PDZRN3: variants seen among roughly 807,000 people sequenced by gnomAD.
PDZRN3 encodes E3 ubiquitin-protein ligase PDZRN3.
A neutral mutation model predicts 85.7 loss-of-function variants in PDZRN3; 38 were observed. That is an observed-to-expected ratio of 0.44 (90% CI 0.34 to 0.58). The LOEUF (loss-of-function observed/expected upper bound fraction) is 0.58. Among genes scored for constraint, PDZRN3 ranks in the 20% least tolerant of loss-of-function variants. PDZRN3 has a pLI of 0.01. For missense variants in PDZRN3, 1,629 were observed against 1,506.4 expected (o/e 1.08, Z -1.35); for synonymous variants, 759 against 638.0 (o/e 1.19, Z -2.86).
chr3:73,617,982 A>G (rs987771759), intron 1 of PDZRN3, among the ~76,000 whole-genome samples: 5 of 152,246 alleles, frequency 3.3e-5, no homozygotes, highest in Admixed American at 6.5e-5. Flanking sequence ...CTGAGATTAC[A>G]GGCGTGAGCC....
intron 3 of PDZRN3, among the ~76,000 whole-genome samples, chr3:73,458,355 A>G (rs1252297593): frequency 2.0e-5 from 3 of 151,768 alleles, no homozygotes; most frequent in African/African-American, 7.3e-5. Context: ...GCCACCTCTA[A>G]GTACTGGTTT....
chr3:73,406,731 A>G (rs937381493), intron 3 of PDZRN3, among the ~76,000 whole-genome samples: 1 of 152,228 alleles, frequency 6.6e-6, no homozygotes, highest in Admixed American at 6.5e-5. Flanking sequence ...TTTGCCAAAA[A>G]GGAATAAGAA....
intron 3 of PDZRN3, among the ~76,000 whole-genome samples, chr3:73,578,870 C>A (rs962907074): frequency 2.0e-5 from 3 of 152,098 alleles, no homozygotes; most frequent in African/African-American, 7.2e-5. Flanking sequence ...TGAAAAATTA[C>A]GCAGGCACTT....
At chr3:73,472,353 C>G (rs1191492688) in intron 3 of PDZRN3, among the ~76,000 whole-genome samples, 1 of 152,208 alleles carries the variant, frequency 6.6e-6, no homozygotes, top group Non-Finnish European at 1.5e-5. Flanking sequence ...CCTTTGGGAT[C>G]TCACCACTGA....
intron 3 of PDZRN3, among the ~76,000 whole-genome samples, chr3:73,505,448 C>A (rs967400504): frequency 2.6e-5 from 4 of 151,864 alleles, no homozygotes; most frequent in Non-Finnish European, 5.9e-5. Flanking sequence ...GCAAAAATAC[C>A]TCTCCCAAAC....
chr3:73,496,569 C>T (rs1703870602), intron 3 of PDZRN3, among the ~76,000 whole-genome samples: 1 of 10,422 alleles, frequency 9.6e-5, no homozygotes, highest in African/African-American at 1.3e-4. Context: ...GTAAAGAGGA[C>T]TTAAAAAAAA....
intron 3 of PDZRN3, among the ~76,000 whole-genome samples, chr3:73,512,437 A>T (rs1312155708): frequency 1.3e-5 from 2 of 152,238 alleles, no homozygotes; most frequent in East Asian, 3.8e-4. Context: ...ACATTCTTTT[A>T]ACATTGCATA....
At position 73,624,855 on chromosome 3, in the gene PDZRN3, G is replaced by C; in HGVS notation, c.-30C>G. ...GCGGCCAGGCCCCGGGGTCGCCGCC[G>C]GGCGGCCGGGCGCCCCCTCCCTCCC... On this transcript the variant is annotated 5_prime_UTR_variant, in exon 1 of 10. Coordinates refer to ENST00000263666, the MANE Select transcript of PDZRN3 (RefSeq NM_015009.3). The C allele has an allele frequency of 7.9e-7, 1 of 1,267,416 alleles. No homozygotes were observed. The highest frequency in any genetic ancestry group is 9.9e-7 in the Non-Finnish European group (1 of 1,009,018). The allele number at this position is 1,267,416 out of a possible 1,614,324, so 78.5% of individuals were successfully genotyped here.
chr3:73,497,232 A>G (rs1703883755), intron 3 of PDZRN3, among the ~76,000 whole-genome samples: 1 of 152,166 alleles, frequency 6.6e-6, no homozygotes, highest in Admixed American at 6.5e-5. Context: ...AAAAAAATGT[A>G]CATTTGGAGA....
chr3:73,537,838 C>A (rs1704825915), intron 3 of PDZRN3, among the ~76,000 whole-genome samples: 1 of 150,170 alleles, frequency 6.7e-6, no homozygotes, highest in African/African-American at 2.5e-5. Context: ...GTCGGCCAGG[C>A]TGGTCTCGAC....
At chr3:73,475,700 G>C (rs371648089) in intron 3 of PDZRN3, among the ~76,000 whole-genome samples, 2 of 152,184 alleles carry the variant, frequency 1.3e-5, no homozygotes, top group South Asian at 4.1e-4. Context: ...GTAATGAAAT[G>C]AACTTTTACC....
chr3:73,574,464 G>GT lies in PDZRN3; in HGVS notation c.918+27889_918+27890insA, dbSNP rs1041513446. ...ACTTTTTTTTGGCTGGGGTGGGGGGGGTGGGGAGGGCGGAAATGGAGTCTC... is the reference window on the plus strand; with the variant it reads ...ACTTTTTTTTGGCTGGGGTGGGGGGGTGTGGGGAGGGCGGAAATGGAGTCTC... On this transcript the variant is annotated intron_variant, in intron 3 of 9. Coordinates refer to ENST00000263666, the MANE Select transcript of PDZRN3 (RefSeq NM_015009.3). 2.5e-4 allele frequency among the ~76,000 whole-genome samples: 23 copies of GT among 93,718 alleles called. 1 individual carries two copies. Among genetic ancestry groups the GT allele is most frequent in the Admixed American group, 7.5e-4 (7 of 9,336 alleles). The allele number at this position is 93,718 out of a possible 152,430, so 61.5% of individuals were successfully genotyped here.
At chr3:73,503,624 C>T (rs996695714) in intron 3 of PDZRN3, among the ~76,000 whole-genome samples, 5 of 152,210 alleles carry the variant, frequency 3.3e-5, no homozygotes, top group Non-Finnish European at 7.3e-5. Context: ...TCATCTAATG[C>T]TTTTCCCTAT....
At chr3:73,615,165 T>G (rs1232910516) in intron 1 of PDZRN3, among the ~76,000 whole-genome samples, 1 of 152,162 alleles carries the variant, frequency 6.6e-6, no homozygotes, top group Non-Finnish European at 1.5e-5. Context: ...AAACGAGATA[T>G]TTTTGAAAAC....
intron 3 of PDZRN3, among the ~76,000 whole-genome samples, chr3:73,585,659 G>C (rs1189387640): frequency 6.6e-6 from 1 of 152,128 alleles, no homozygotes; most frequent in Non-Finnish European, 1.5e-5. Flanking sequence ...TTATTTCCTG[G>C]AAGATGGATG....
chr3:73,622,493 G>A (rs1417324596), intron 1 of PDZRN3, among the ~76,000 whole-genome samples: 1 of 152,236 alleles, frequency 6.6e-6, no homozygotes, highest in African/African-American at 2.4e-5. Context: ...CCCAGCTGTT[G>A]AAAATGTGGC....
chr3:73,417,455 A>G (rs1366928558), intron 3 of PDZRN3, among the ~76,000 whole-genome samples: 1 of 152,182 alleles, frequency 6.6e-6, no homozygotes, highest in Non-Finnish European at 1.5e-5. Flanking sequence ...CGTGCGGGGA[A>G]ATACCATTTC....
intron 3 of PDZRN3, among the ~76,000 whole-genome samples, chr3:73,488,607 C>T (rs984558185): frequency 9.9e-5 from 15 of 152,132 alleles, no homozygotes; most frequent in Non-Finnish European, 1.9e-4. Context: ...CTTTCTTTGT[C>T]CTGACCTCTT....
chr3:73,574,257 C>CCTCTTGACTG (rs1702085408), intron 3 of PDZRN3, among the ~76,000 whole-genome samples: 1 of 152,138 alleles, frequency 6.6e-6, no homozygotes, highest in Admixed American at 6.5e-5. Context: ...TCTCTTGGAG[C>CCTCTTGACTG]CTCTTGACTG....
Sources: allele counts gnomAD v4.1 joint callset (sites outside exome capture counted in the v4.1 genomes callset), GRCh38; gene constraint gnomAD v4.1.1; transcripts MANE v1.5; gene names NCBI Gene and HGNC (gene_info 2026-07-23, HGNC 2026-07-21).